RBFOX1: variants seen among roughly 807,000 people sequenced by gnomAD.
RBFOX1 encodes RNA binding protein fox-1 homolog 1.
In RBFOX1, 8 loss-of-function variants were observed where a neutral mutation model predicts 57.7. The observed-to-expected ratio is 0.14, with a 90% CI of 0.08 to 0.25. The LOEUF (loss-of-function observed/expected upper bound fraction) is 0.25. RBFOX1 is among the 10% of genes least tolerant of loss of function. RBFOX1 has a pLI of 1.00. For synonymous variants in RBFOX1, 326 were observed against 222.4 expected, an observed-to-expected ratio of 1.47 and a Z score of -4.15; for missense variants, 611 against 548.5, an observed-to-expected ratio of 1.11 and a Z score of -1.14.
At chr16:5,432,020 T>A (rs988898459) in intron 1 of RBFOX1, among the ~76,000 whole-genome samples, 1 of 152,012 alleles carries the variant, frequency 6.6e-6, no homozygotes, top group Non-Finnish European at 1.5e-5. Flanking sequence ...GGAGGTAAAT[T>A]GTGGCCACAG....
At chr16:5,820,013 G>A (rs2055787730) in intron 3 of RBFOX1, among the ~76,000 whole-genome samples, 1 of 152,214 alleles carries the variant, frequency 6.6e-6, no homozygotes, top group African/African-American at 2.4e-5. Flanking sequence ...ACCTCTGGCA[G>A]GGAGGGGTGA....
At chr16:7,299,908 G>A (rs998697049) in intron 4 of RBFOX1, among the ~76,000 whole-genome samples, 1 of 152,168 alleles carries the variant, frequency 6.6e-6, no homozygotes, top group African/African-American at 2.4e-5. Context: ...TTCGACATAG[G>A]ATATTTTCAC....
chr16:5,389,956 C>T (rs1186908767), intron 1 of RBFOX1, among the ~76,000 whole-genome samples: 4 of 152,234 alleles, frequency 2.6e-5, no homozygotes, highest in East Asian at 3.9e-4. Flanking sequence ...TCCTCCGCCT[C>T]CCAAAGTGCT....
chr16:6,906,882 C>T (rs1743157259), intron 3 of RBFOX1, among the ~76,000 whole-genome samples: 1 of 152,062 alleles, frequency 6.6e-6, no homozygotes, highest in South Asian at 2.1e-4. Context: ...GCCACCCCAC[C>T]TGGTTAATTT....
chr16:7,047,870 T>C (rs557324051), intron 3 of RBFOX1, among the ~76,000 whole-genome samples: 133 of 151,920 alleles, frequency 8.8e-4, no homozygotes, highest in South Asian at 7.7e-3. Context: ...TTTATTTTAT[T>C]CCGTTTTAAT....
intron 4 of RBFOX1, among the ~76,000 whole-genome samples, chr16:7,300,522 C>G (rs936152192): frequency 6.6e-6 from 1 of 152,200 alleles, no homozygotes; most frequent in Admixed American, 6.5e-5. Flanking sequence ...ACTGAGCTAA[C>G]CCCAGTATAG....
intron 4 of RBFOX1, among the ~76,000 whole-genome samples, chr16:7,450,864 C>T (rs937609059): frequency 2.6e-5 from 4 of 152,054 alleles, no homozygotes; most frequent in African/African-American, 9.7e-5. Context: ...CCAGCATCAG[C>T]AGTGAGAGGG....
chr16:5,788,242 A>G (rs1253327510), intron 3 of RBFOX1, among the ~76,000 whole-genome samples: 1 of 152,198 alleles, frequency 6.6e-6, no homozygotes, highest in South Asian at 2.1e-4. Flanking sequence ...AAATGACAGC[A>G]TATGTCACCC....
At chr16:7,649,168 A>G (rs1379810551) in intron 11 of RBFOX1, among the ~76,000 whole-genome samples, 20 of 152,210 alleles carry the variant, frequency 1.3e-4, no homozygotes, top group Admixed American at 1.3e-3. Flanking sequence ...CCCAAAAGTA[A>G]GAGGAGGAGC....
At chr16:5,746,814 A>G (rs2053001774) in intron 3 of RBFOX1, among the ~76,000 whole-genome samples, 1 of 152,100 alleles carries the variant, frequency 6.6e-6, no homozygotes. Flanking sequence ...TGCTGAAGTT[A>G]CTCATCAACT....
intron 3 of RBFOX1, among the ~76,000 whole-genome samples, chr16:6,861,659 A>T (rs2059022603): frequency 6.6e-6 from 1 of 151,982 alleles, no homozygotes; most frequent in Non-Finnish European, 1.5e-5. Context: ...CTTGGCATGC[A>T]ACCTCCTCTA....
chr16:5,568,152 A>G (rs1467457126), intron 2 of RBFOX1, among the ~76,000 whole-genome samples: 4 of 152,154 alleles, frequency 2.6e-5, no homozygotes, highest in South Asian at 2.1e-4. Flanking sequence ...CATTGCATTC[A>G]AATGTCTCCA....
chr16:5,301,299 G>C (rs141911011), intron 1 of RBFOX1, among the ~76,000 whole-genome samples: 1 of 152,104 alleles, frequency 6.6e-6, no homozygotes, highest in Non-Finnish European at 1.5e-5. Context: ...TAGCCTGCAC[G>C]TGTTTACAGA....
At chr16:5,554,644 C>A (rs1410920210) in intron 2 of RBFOX1, among the ~76,000 whole-genome samples, 1 of 152,114 alleles carries the variant, frequency 6.6e-6, no homozygotes, top group East Asian at 1.9e-4. Flanking sequence ...CGTGATTCTG[C>A]ACTTACACAA....
chr16:6,435,648 C>T (rs1480086073), intron 2 of RBFOX1, among the ~76,000 whole-genome samples: 1 of 152,166 alleles, frequency 6.6e-6, no homozygotes, highest in African/African-American at 2.4e-5. Flanking sequence ...GATTTATAGA[C>T]ACTGGGGCAT....
At chr16:6,658,644 C>T (rs906563517) in intron 3 of RBFOX1, among the ~76,000 whole-genome samples, 1 of 152,170 alleles carries the variant, frequency 6.6e-6, no homozygotes, top group African/African-American at 2.4e-5. Flanking sequence ...ATCCCAGAAG[C>T]CTATTTTCTC....
chr16:5,901,391 A>G (rs1430837020), intron 4 of RBFOX1, among the ~76,000 whole-genome samples: 1 of 152,128 alleles, frequency 6.6e-6, no homozygotes, highest in African/African-American at 2.4e-5. Context: ...CTGAGCAATG[A>G]TGTCTTATGA....
At chr16:5,730,445 T>TGC (rs1232382406) in intron 3 of RBFOX1, among the ~76,000 whole-genome samples, 3 of 152,230 alleles carry the variant, frequency 2.0e-5, no homozygotes, top group African/African-American at 7.2e-5. Flanking sequence ...TGCCTCTGGC[T>TGC]GCGCACACAC....
Position 5,665,362 on chromosome 16 carries a change from G to A in RBFOX1, c.318+66401G>A, listed in dbSNP as rs78564678. ...TTTCCTCCTCCAGGTTTGGCTTTAA[G>A]GACATCCTATCTTATGGGCCTTCTC... On this transcript the variant is annotated intron_variant, in intron 3 of 19. Coordinates refer to the RBFOX1 transcript ENST00000641259. Among the ~76,000 whole-genome samples, 122 of 151,874 alleles carry A rather than the reference G, an allele frequency of 8.0e-4. 1 individual carries two copies. The East Asian group carries it at 0.016, about 20-fold the overall frequency.
Sources: allele counts gnomAD v4.1 joint callset (sites outside exome capture counted in the v4.1 genomes callset), GRCh38; gene constraint gnomAD v4.1.1; transcripts MANE v1.5; gene names NCBI Gene and HGNC (gene_info 2026-07-23, HGNC 2026-07-21).